FGF10: variants seen among roughly 807,000 people sequenced by gnomAD.
FGF10 encodes the protein fibroblast growth factor 10.
FGF10 carries 2 observed loss-of-function variants against 19.8 expected under a neutral mutation model. The observed-to-expected ratio is 0.10, with a 90% CI of 0.04 to 0.32. FGF10 has a LOEUF of 0.32. Among genes scored for constraint, FGF10 ranks in the 10% least tolerant of loss-of-function variants. FGF10 has a pLI of 1.00. For synonymous variants in FGF10, 112 were observed against 94.0 expected, an observed-to-expected ratio of 1.19 and a Z score of -1.10; for missense variants, 191 against 246.3, an observed-to-expected ratio of 0.78 and a Z score of 1.50.
intron 1 of FGF10, among the ~76,000 whole-genome samples, chr5:44,332,703 G>C (rs1740763451): frequency 6.6e-6 from 1 of 152,148 alleles, no homozygotes; most frequent in Admixed American, 6.6e-5. Context: ...AGTGCTGCTG[G>C]TCCTAGGACC....
intron 1 of FGF10, among the ~76,000 whole-genome samples, chr5:44,345,190 A>C (rs2111801751): frequency 6.6e-6 from 1 of 152,028 alleles, no homozygotes; most frequent in Middle Eastern, 3.4e-3. Flanking sequence ...TCTTGACCTT[A>C]AAAATAGTCT....
At chr5:44,328,612 A>C (rs540839667) in intron 1 of FGF10, among the ~76,000 whole-genome samples, 1 of 152,146 alleles carries the variant, frequency 6.6e-6, no homozygotes, top group Non-Finnish European at 1.5e-5. Flanking sequence ...ACACAGAAAA[A>C]TTAGCTGGGC....
chr5:44,367,579 G>C (rs569998683), intron 1 of FGF10, among the ~76,000 whole-genome samples: 1 of 151,880 alleles, frequency 6.6e-6, no homozygotes, highest in Non-Finnish European at 1.5e-5. Context: ...GAAGTTACTC[G>C]GCTTCTCAGT....
intron 1 of FGF10, among the ~76,000 whole-genome samples, chr5:44,312,823 AACC>A (rs1327477122): frequency 3.9e-5 from 6 of 152,120 alleles, no homozygotes; most frequent in African/African-American, 7.2e-5. Context: ...GCAAAAAATA[AACC>A]AATATTTGTG....
intron 2 of FGF10, among the ~76,000 whole-genome samples, chr5:44,308,009 A>C (rs1740122294): frequency 6.6e-6 from 1 of 152,234 alleles, no homozygotes; most frequent in Non-Finnish European, 1.5e-5. Flanking sequence ...TGCTGAACAA[A>C]TAGTGGGGGA....
At chr5:44,366,698 G>T (rs1362749678) in intron 1 of FGF10, among the ~76,000 whole-genome samples, 1 of 151,946 alleles carries the variant, frequency 6.6e-6, no homozygotes, top group Non-Finnish European at 1.5e-5. Flanking sequence ...TACAAGGTTC[G>T]CCAAAAGCTG....
intron 1 of FGF10, among the ~76,000 whole-genome samples, chr5:44,358,158 G>C (rs1741392580): frequency 6.6e-6 from 1 of 151,536 alleles, no homozygotes; most frequent in Non-Finnish European, 1.5e-5. Flanking sequence ...CTACATGGCA[G>C]AAGTTCCAAC....
At chr5:44,351,852 A>T (rs1025458610) in intron 1 of FGF10, among the ~76,000 whole-genome samples, 9 of 151,672 alleles carry the variant, frequency 5.9e-5, no homozygotes, top group Middle Eastern at 3.2e-3. Flanking sequence ...TAAATTACAC[A>T]CACACGTGCA....
chr5:44,377,120 G>T (rs1360114314), intron 1 of FGF10, among the ~76,000 whole-genome samples: 7 of 152,128 alleles, frequency 4.6e-5, no homozygotes, highest in Non-Finnish European at 1.0e-4. Flanking sequence ...ACACTTATGT[G>T]CCTTCGTTTA....
chr5:44,365,350 C>CAAA (rs3060085), intron 1 of FGF10, among the ~76,000 whole-genome samples: 9,313 of 124,436 alleles, frequency 0.075, 415 homozygotes, highest in Middle Eastern at 0.11. Flanking sequence ...AAATAATTTG[C>CAAA]AAAAAAAAAA....
chr5:44,345,962 A>G (rs1741081161), intron 1 of FGF10, among the ~76,000 whole-genome samples: 1 of 151,808 alleles, frequency 6.6e-6, no homozygotes, highest in Non-Finnish European at 1.5e-5. Context: ...AATTCAATAC[A>G]TATGTTGATG....
chr5:44,336,232 A>T (rs1216922003), intron 1 of FGF10, among the ~76,000 whole-genome samples: 2 of 151,960 alleles, frequency 1.3e-5, no homozygotes, highest in Non-Finnish European at 2.9e-5. Context: ...TTATCTCTTT[A>T]ATGAGAGTTA....
chr5:44,354,690 G>A (rs1409861924), intron 1 of FGF10, among the ~76,000 whole-genome samples: 1 of 151,492 alleles, frequency 6.6e-6, no homozygotes, highest in South Asian at 2.1e-4. Context: ...AGCAAGTCAT[G>A]TGTTGGAATT....
intron 1 of FGF10, among the ~76,000 whole-genome samples, chr5:44,338,023 T>G (rs919699034): frequency 6.6e-6 from 1 of 152,192 alleles, no homozygotes; most frequent in African/African-American, 2.4e-5. Flanking sequence ...ATGTATGTAT[T>G]AAATAAATTA....
intron 1 of FGF10, among the ~76,000 whole-genome samples, chr5:44,312,645 T>C (rs977702060): frequency 1.3e-5 from 2 of 152,052 alleles, no homozygotes; most frequent in African/African-American, 4.8e-5. Context: ...AAGCAGAAGA[T>C]ACAGAGCAGA....
intron 1 of FGF10, among the ~76,000 whole-genome samples, chr5:44,380,331 A>G (rs1741956978): frequency 6.6e-6 from 1 of 152,244 alleles, no homozygotes; most frequent in Non-Finnish European, 1.5e-5. Context: ...GATTCTGCAT[A>G]TGATAGACTT....
At chr5:44,324,703 A>G (rs2111738147) in intron 1 of FGF10, among the ~76,000 whole-genome samples, 1 of 152,294 alleles carries the variant, frequency 6.6e-6, no homozygotes, top group Non-Finnish European at 1.5e-5. Flanking sequence ...GTACATAAAT[A>G]TGAGACAGGG....
intron 1 of FGF10, among the ~76,000 whole-genome samples, chr5:44,345,162 G>A (rs1741059227): frequency 6.6e-6 from 1 of 151,808 alleles, no homozygotes; most frequent in African/African-American, 2.4e-5. Context: ...ATGACCCCAT[G>A]TGGGAGTCTG....
rs17234310 is a variant in FGF10 at position 44,329,105 on chromosome 5, A to C, written c.326-18575T>G. On this transcript the variant is annotated intron_variant, in intron 1 of 2. Transcript: ENST00000264664. ...CGTATTTGAAGAATTAATAATGTAG[A>C]TTGTGCTCTTACTGTTAGTAAATAG... Among the ~76,000 whole-genome samples the C allele has an allele frequency of 5.3e-5, 8 of 152,222 alleles. No individual in the cohort carries two copies. The South Asian group carries it at 1.4e-3, about 28-fold the overall frequency.
Sources: allele counts gnomAD v4.1 joint callset (sites outside exome capture counted in the v4.1 genomes callset), GRCh38; gene constraint gnomAD v4.1.1; transcripts MANE v1.5; gene names NCBI Gene and HGNC (gene_info 2026-07-23, HGNC 2026-07-21).